The following FGF13 variants were observed in gnomAD, a reference collection of about 807,000 sequenced individuals.
FGF13 encodes fibroblast growth factor homologous factor 2.
In FGF13, 2 loss-of-function variants were observed where a neutral mutation model predicts 19.5. The observed-to-expected ratio is 0.10, with a 90% confidence interval of 0.04 to 0.32. The LOEUF is 0.32. Ranked by LOEUF, FGF13 falls within the 10% of genes least tolerant of loss-of-function variation. The pLI, the probability that FGF13 is intolerant of heterozygous loss-of-function variation, is 1.00. For missense variants in FGF13, 113 were observed against 192.7 expected (o/e 0.59, Z 2.45); for synonymous variants, 72 against 76.9 (o/e 0.94, Z 0.33).
At chrX:139,084,953 T>C (rs1288915848) in intron 1 of FGF13, among the ~76,000 whole-genome samples, 1 of 111,706 alleles carries the variant, frequency 9.0e-6, no homozygotes, top group African/African-American at 3.3e-5. Context: ...TGAACTTTCA[T>C]AAATCACACC....
chrX:138,788,828 T>A (rs761648400), intron 3 of FGF13, among the ~76,000 whole-genome samples: 1 of 112,109 alleles, frequency 8.9e-6, no homozygotes, highest in South Asian at 3.8e-4. Context: ...AATTTCCAAA[T>A]CTTTAAGTTC....
At chrX:139,050,581 A>G (rs902191788) in intron 1 of FGF13, among the ~76,000 whole-genome samples, 6 of 112,198 alleles carry the variant, frequency 5.3e-5, no homozygotes, top group Non-Finnish European at 9.4e-5. Context: ...TAGTGCCACA[A>G]AGTTATCTCT....
chrX:138,660,324 C>G (rs1301192406), intron 3 of FGF13, among the ~76,000 whole-genome samples: 3 of 111,613 alleles, frequency 2.7e-5, no homozygotes, highest in Non-Finnish European at 5.7e-5. Context: ...GGGTGGCAAA[C>G]AAGTCACAGT....
At chrX:138,934,527 A>G (rs951886944) in intron 1 of FGF13, among the ~76,000 whole-genome samples, 5 of 112,617 alleles carry the variant, frequency 4.4e-5, no homozygotes, top group Admixed American at 1.9e-4. Flanking sequence ...AACATGTCAG[A>G]ATATCTTGAT....
At chrX:139,202,886 G>A (rs2084426792) in intron 1 of FGF13, among the ~76,000 whole-genome samples, 1 of 111,404 alleles carries the variant, frequency 9.0e-6, no homozygotes, top group Admixed American at 9.4e-5. Flanking sequence ...GGGTCGCTGC[G>A]GTCCAGTGTG....
upstream of FGF13, among the ~76,000 whole-genome samples, chrX:138,715,553 A>G (rs956755220): frequency 1.7e-4 from 19 of 112,597 alleles, no homozygotes; most frequent in African/African-American, 4.8e-4. Context: ...ATAAAAATGA[A>G]AAGATTCTGG....
At chrX:139,090,920 T>C (rs1311093173) in intron 1 of FGF13, among the ~76,000 whole-genome samples, 1 of 77,713 alleles carries the variant, frequency 1.3e-5, no homozygotes, top group Non-Finnish European at 2.3e-5. Flanking sequence ...CCAGCCTGGG[T>C]GAAAGAGGGA....
At chrX:138,855,877 G>A (rs1447436686), downstream of FGF13, among the ~76,000 whole-genome samples, 7 of 111,010 alleles carry the variant, frequency 6.3e-5, no homozygotes, top group Admixed American at 6.8e-4. Context: ...TTGCTTGAGC[G>A]AATTTAACCA....
chrX:139,082,540 C>T (rs2083378265), intron 1 of FGF13, among the ~76,000 whole-genome samples: 1 of 111,452 alleles, frequency 9.0e-6, no homozygotes, highest in Admixed American at 9.6e-5. Flanking sequence ...CGTACAGGCA[C>T]ACACAGAGAA....
downstream of FGF13, among the ~76,000 whole-genome samples, chrX:138,853,620 CGTGTGTGT>C (rs34651876): frequency 1.7e-4 from 17 of 99,917 alleles, no homozygotes; most frequent in African/African-American, 4.7e-4. Context: ...TGTGCGTGTG[CGTGTGTGT>C]GTGTGTGTGT....
chrX:139,178,062 A>G (rs140536767), intron 1 of FGF13, among the ~76,000 whole-genome samples: 1,829 of 111,659 alleles, frequency 0.016, 27 homozygotes, highest in African/African-American at 0.056. Flanking sequence ...ACCAGGCCCA[A>G]TGAGATGAGC....
At chrX:138,648,439 G>A (rs759329306) in intron 3 of FGF13, among the ~76,000 whole-genome samples, 10 of 111,071 alleles carry the variant, frequency 9.0e-5, no homozygotes, top group African/African-American at 3.3e-4. Flanking sequence ...ACTCAAGCCA[G>A]ATTGGAGAAA....
chrX:138,803,019 T>C (rs768326995), intron 3 of FGF13, among the ~76,000 whole-genome samples: 38 of 111,982 alleles, frequency 3.4e-4, no homozygotes, highest in Admixed American at 7.6e-4. Flanking sequence ...CATTGTTTTT[T>C]CTTCACTCTC....
At position 138,630,305 on chromosome X, in the gene FGF13, A is replaced by C. The variant is rs1050037207; in HGVS notation, c.*2545T>G. 1 of 111,161 alleles carries C rather than the reference A, an allele frequency of 9.0e-6. No individual in the cohort carries two copies. The highest frequency in any genetic ancestry group is 1.9e-5 in the Non-Finnish European group (1 of 53,110). 9.2% of individuals were successfully genotyped at this position (111,161 alleles called of 1,213,427 possible). A position where few individuals can be genotyped will look rare whatever the true frequency, so the allele number is the denominator to read the frequency against. ...TACACTATTTCTGAACAACAGAAAA[A>C]GCAAGACCAGCAACTGAAGTAGTCA... On this transcript the variant is annotated 3_prime_UTR_variant, in exon 5 of 5. Transcript: ENST00000315930.
At chrX:138,975,367 T>A (rs1418735269) in intron 1 of FGF13, among the ~76,000 whole-genome samples, 1 of 112,009 alleles carries the variant, frequency 8.9e-6, no homozygotes, top group Non-Finnish European at 1.9e-5. Flanking sequence ...AAACTCAGGA[T>A]TTCTGATTCC....
At chrX:139,176,380 G>A (rs1007735314) in intron 1 of FGF13, among the ~76,000 whole-genome samples, 2 of 89,046 alleles carry the variant, frequency 2.2e-5, no homozygotes, top group Admixed American at 2.4e-4. Context: ...TTTTTGAAGG[G>A]TTTTTTTTTT....
intron 1 of FGF13, among the ~76,000 whole-genome samples, chrX:139,185,905 A>G (rs2084279600): frequency 1.8e-5 from 2 of 111,568 alleles, no homozygotes; most frequent in African/African-American, 6.5e-5. Flanking sequence ...AGTAAGGGGG[A>G]AAAATGTGAG....
chrX:139,095,037 G>A (rs930927014), intron 1 of FGF13, among the ~76,000 whole-genome samples: 1 of 112,462 alleles, frequency 8.9e-6, no homozygotes, highest in Non-Finnish European at 1.9e-5. Context: ...ATGCCCTCTG[G>A]CTGGCCTCCT....
chrX:138,838,928 T>G (rs2091131076), intron 3 of FGF13, among the ~76,000 whole-genome samples: 1 of 111,797 alleles, frequency 8.9e-6, no homozygotes, highest in African/African-American at 3.3e-5. Context: ...GAGAAATACA[T>G]GAATTTTGAG....
Sources: gnomAD v4.1 joint callset for allele counts (sites outside exome capture counted in the v4.1 genomes callset) on GRCh38, gnomAD v4.1.1 for gene constraint, MANE v1.5 for transcripts, NCBI Gene and HGNC (gene_info 2026-07-23, HGNC 2026-07-21) for gene names.